Variants in LRRC1 observed in about 807,000 individuals in gnomAD.
The protein encoded by LRRC1 is leucine-rich repeat-containing protein 1.
LRRC1 carries 28 observed loss-of-function variants against 69.9 expected under a neutral mutation model. The observed-to-expected ratio is 0.40, with a 90% confidence interval of 0.30 to 0.55. The LOEUF is 0.55. LRRC1 is among the 20% of genes least tolerant of loss of function. The probability of loss-of-function intolerance (pLI) is 0.47; values close to 1 mark genes in which losing one functional copy is unlikely to be tolerated. For missense variants in LRRC1, 498 were observed against 609.0 expected, an observed-to-expected ratio of 0.82 and a Z score of 1.92; for synonymous variants, 236 against 240.2, an observed-to-expected ratio of 0.98 and a Z score of 0.16.
intron 2 of LRRC1, among the ~76,000 whole-genome samples, chr6:53,845,288 G>T (rs1765908048): frequency 6.6e-6 from 1 of 152,166 alleles, no homozygotes; most frequent in African/African-American, 2.4e-5. Context: ...CAGGTATAGG[G>T]GTCTTAGGCC....
intron 3 of LRRC1, among the ~76,000 whole-genome samples, chr6:53,879,506 G>A (rs149052626): frequency 0.021 from 3,160 of 151,958 alleles, 109 homozygotes; most frequent in African/African-American, 0.07. Flanking sequence ...GGATGATCTC[G>A]ATCTCCTGAC....
At chr6:53,835,182 T>A (rs1765579477) in intron 1 of LRRC1, among the ~76,000 whole-genome samples, 1 of 152,192 alleles carries the variant, frequency 6.6e-6, no homozygotes, top group Admixed American at 6.5e-5. Context: ...CCGCAATCAA[T>A]TTTAGAATAT....
At chr6:53,864,307 C>G (rs116165167) in intron 2 of LRRC1, among the ~76,000 whole-genome samples, 340 of 152,264 alleles carry the variant, frequency 2.2e-3, no homozygotes, top group Non-Finnish European at 3.7e-3. Context: ...CCTCTCTCCC[C>G]ACACTGCTCA....
At chr6:53,862,148 A>G (rs1281892374) in intron 2 of LRRC1, among the ~76,000 whole-genome samples, 4 of 152,116 alleles carry the variant, frequency 2.6e-5, no homozygotes, top group Admixed American at 2.0e-4. Context: ...AGTAGTTGTA[A>G]TTTTGGCCAT....
In LRRC1 at chr6:53,840,664, T is replaced by TTA. The variant is rs747628363; in HGVS notation, c.160-1446_160-1445insTA. The stretch of plus-strand genomic sequence containing the variant: ...TTATTCCACCTTCTGAGGACTCTAT[T>TTA]AACTTTATTTTTCACCTCTTTTATG... On this transcript the variant is annotated intron_variant, in intron 1 of 13. Transcript: ENST00000370888. Among the ~76,000 whole-genome samples, 43 of 152,240 alleles carry TTA rather than the reference T, an allele frequency of 2.8e-4. 1 individual carries two copies. Among genetic ancestry groups the TTA allele is most frequent in the Non-Finnish European group, 4.9e-4 (33 of 68,006 alleles).
In LRRC1 at chr6:53,902,669, T is replaced by C; in HGVS notation, c.828T>C (p.Asn276=). The C allele has an allele frequency of 6.2e-7, 1 of 1,612,806 alleles. No homozygotes were observed. The highest frequency in any genetic ancestry group is 8.5e-7 in the Non-Finnish European group (1 of 1,179,398). Residue 276 remains asparagine (N), a synonymous_variant, in exon 9 of 14, where the codon AAT becomes AAC. Transcript: ENST00000370888. The stretch of plus-strand genomic sequence containing the variant: ...TGTCAATCTTGAAGGTGGATCAGAA[T>C]AGACTCACACAGTTGCCTGAAGCAG... ...KKLSILKVDQ[N]RLTQLPEAVG...
chr6:53,880,867 AAACTT>A (rs1242796099), intron 3 of LRRC1, among the ~76,000 whole-genome samples: 2 of 152,214 alleles, frequency 1.3e-5, no homozygotes, highest in African/African-American at 4.8e-5. Flanking sequence ...GAACTGGACT[AAACTT>A]AAGGCAGCCT....
Position 53,899,776 on chromosome 6 carries a change from T to C in LRRC1, c.672T>C (p.Cys224=), listed in dbSNP as rs550591899. 1.2e-6 allele frequency: 2 copies of C among 1,614,160 alleles called. No homozygotes were observed. The highest frequency in any genetic ancestry group is 2.2e-5 in the East Asian group (1 of 44,880). ...TAGGAAATCTGAAGAACCTGCTGTG[T>C]TTAGATGTCTCTGAAAACAGGTTGG... ...QEIGNLKNLL[C]LDVSENRLER... Residue 224 remains cysteine, a synonymous_variant, in exon 8 of 14, where the codon TGT becomes TGC. Transcript: ENST00000370888.
Position 53,904,488 on chromosome 6 carries a change from GATA to G in LRRC1, c.990+32_990+34del, listed in dbSNP as rs781175289. The G allele has an allele frequency of 5.1e-6, 7 of 1,379,394 alleles. No homozygotes were observed. The African/African-American group carries it at 8.7e-5, about 17-fold the overall frequency. 85.4% of individuals were successfully genotyped at this position (1,379,394 alleles called of 1,614,324 possible). A position where few individuals can be genotyped will look rare whatever the true frequency, so the allele number is the denominator to read the frequency against. ...GTATGTGCTTTTAGAGAAATCACAT[GATA>G]ATAATTATGAAGAAATAATAATAAT... is the stretch of plus-strand genomic sequence containing the variant. On this transcript the variant is annotated intron_variant, in intron 10 of 13. Coordinates refer to ENST00000370888, the MANE Select transcript of LRRC1 (RefSeq NM_018214.5).
intron 4 of LRRC1, among the ~76,000 whole-genome samples, chr6:53,888,046 T>G (rs1426603197): frequency 6.6e-6 from 1 of 152,224 alleles, no homozygotes; most frequent in Non-Finnish European, 1.5e-5. Context: ...AAGGATAATT[T>G]TTGCTTTAAG....
Position 53,819,959 on chromosome 6 carries a change from C to T in LRRC1, c.160-22151C>T, listed in dbSNP as rs115587344. Among the ~76,000 whole-genome samples the T allele has an allele frequency of 4.7e-3, 712 of 152,246 alleles. 8 individuals carry two copies. Among genetic ancestry groups the T allele is most frequent in the African/African-American group, 0.016 (667 of 41,536 alleles). On this transcript the variant is annotated intron_variant, in intron 1 of 13. Transcript: ENST00000370888. ...TTAGTATGTATAACTCTTGGATTCACTTTGAGTTTCTAGTTAAATCCATCC... is the reference window on the plus strand; with the variant it reads ...TTAGTATGTATAACTCTTGGATTCATTTTGAGTTTCTAGTTAAATCCATCC...
chr6:53,872,146 C>T (rs1449498628), intron 2 of LRRC1, among the ~76,000 whole-genome samples: 3 of 151,728 alleles, frequency 2.0e-5, no homozygotes, highest in African/African-American at 4.8e-5. Flanking sequence ...ATAGGGATCT[C>T]GTTTCATTCT....
chr6:53,888,834 T>A (rs1461428327), intron 4 of LRRC1, among the ~76,000 whole-genome samples: 1 of 152,118 alleles, frequency 6.6e-6, no homozygotes, highest in Non-Finnish European at 1.5e-5. Flanking sequence ...AAAGTCTGTG[T>A]AACAAAAGAA....
chr6:53,845,542 G>C (rs185837841), intron 2 of LRRC1, among the ~76,000 whole-genome samples: 1 of 152,130 alleles, frequency 6.6e-6, no homozygotes, highest in Non-Finnish European at 1.5e-5. Context: ...CCTACTTTCT[G>C]ATCAGAAGCT....
intron 4 of LRRC1, among the ~76,000 whole-genome samples, chr6:53,890,480 C>T (rs960795381): frequency 6.6e-6 from 1 of 152,110 alleles, no homozygotes; most frequent in Non-Finnish European, 1.5e-5. Flanking sequence ...TGAGCTTGAA[C>T]TAAGTGATCC....
chr6:53,867,470 C>T lies in LRRC1; in HGVS notation c.278-11523C>T, dbSNP rs957901719. Among the ~76,000 whole-genome samples, 18 of 151,108 alleles carry T rather than the reference C, an allele frequency of 1.2e-4. 1 individual carries two copies. Among genetic ancestry groups the T allele is most frequent in the African/African-American group, 4.4e-4 (18 of 40,548 alleles). ...TCACTAATTGAAAGCAATTCTAATT[C>T]AGAAATAATGATAGCTTAGAGTGGG... On this transcript the variant is annotated intron_variant, in intron 2 of 13. Transcript: ENST00000370888.
At chr6:53,841,338 C>G (rs1193770157) in intron 1 of LRRC1, among the ~76,000 whole-genome samples, 1 of 152,190 alleles carries the variant, frequency 6.6e-6, no homozygotes, top group African/African-American at 2.4e-5. Flanking sequence ...TTCTTATTGG[C>G]TACTCGCCCC....
intron 10 of LRRC1, among the ~76,000 whole-genome samples, chr6:53,908,650 A>T (rs1052862747): frequency 6.6e-6 from 1 of 152,160 alleles, no homozygotes; most frequent in East Asian, 1.9e-4. Context: ...TCTACAGGAA[A>T]ATTCGATTTC....
intron 10 of LRRC1, among the ~76,000 whole-genome samples, chr6:53,910,672 G>A (rs1274450617): frequency 6.6e-6 from 1 of 152,136 alleles, no homozygotes; most frequent in Non-Finnish European, 1.5e-5. Context: ...TCTATGATAG[G>A]CGCCAAATTA....
Sources: gnomAD v4.1 joint callset for allele counts (sites outside exome capture counted in the v4.1 genomes callset) on GRCh38, gnomAD v4.1.1 for gene constraint, MANE v1.5 for transcripts, NCBI Gene and HGNC (gene_info 2026-07-23, HGNC 2026-07-21) for gene names.